ST3GAL6: variants seen among roughly 807,000 people sequenced by gnomAD.
ST3GAL6 encodes ST3 beta-galactoside alpha-2,3-sialyltransferase 6, also known as type 2 lactosamine alpha-2,3-sialyltransferase.
Under a neutral mutation model 40.5 loss-of-function variants are expected in ST3GAL6, and 31 were observed. The ratio of observed to expected loss-of-function variants is 0.77; its 90% CI spans 0.58 to 1.03. ST3GAL6 has a LOEUF of 1.03. ST3GAL6 is among the 50% of genes least tolerant of loss of function. The pLI is 0.00. For missense variants in ST3GAL6, 357 were observed against 393.2 expected (o/e 0.91, Z 0.78); for synonymous variants, 129 against 136.9 (o/e 0.94, Z 0.40).
upstream of ST3GAL6, among the ~76,000 whole-genome samples, chr3:98,759,885 T>C (rs72932654): frequency 8.4e-4 from 128 of 152,292 alleles, no homozygotes; most frequent in African/African-American, 3.0e-3. Flanking sequence ...CCCTCAAAAA[T>C]ACTGGTAGTA....
intron 1 of ST3GAL6, chr3:98,732,722 T>C: frequency 2.4e-6 from 2 of 817,200 alleles, no homozygotes; most frequent in Non-Finnish European, 3.5e-6. Context: ...GGATTGGGGC[T>C]GGCGGGAGCC....
At chr3:98,773,095 G>C (rs1392607924) in intron 4 of ST3GAL6, 179 bp downstream of exon 4, 2 of 466,608 alleles carry the variant, frequency 4.3e-6, no homozygotes, top group Non-Finnish European at 7.6e-6. Flanking sequence ...CACTCCTTTT[G>C]AGGCAGTATA....
chr3:98,780,609 A>G (rs567240522), intron 5 of ST3GAL6, among the ~76,000 whole-genome samples: 3 of 152,314 alleles, frequency 2.0e-5, no homozygotes, highest in East Asian at 1.9e-4. Context: ...TGCTGGGACC[A>G]TAAGTAGGAG....
At chr3:98,756,660 C>A in intron 1 of ST3GAL6, 1 of 835,290 alleles carries the variant, frequency 1.2e-6, no homozygotes, top group African/African-American at 1.8e-5. Flanking sequence ...TCTATGAATA[C>A]AGGTGCCTGC....
At chr3:98,733,106 T>G in intron 1 of ST3GAL6, 1 of 1,341,970 alleles carries the variant, frequency 7.5e-7, no homozygotes, top group Non-Finnish European at 9.6e-7. Context: ...TTGCAGCCTC[T>G]GAGGCTCAGG....
Position 98,793,687 on chromosome 3 carries a change from A to G in ST3GAL6, c.922A>G (p.Asn308Asp). Residue 308 changes from asparagine to aspartate, a missense_variant, in exon 10 of 10, where the codon AAT becomes GAT. Coordinates refer to ENST00000483910, the MANE Select transcript of ST3GAL6 (RefSeq NM_001323368.2). ...TTTTCTTCTTTAGAACGCGTATCACAATGTGACTGCAGAGCAGCTCTTTTT... is the reference window on the plus strand; with the variant it reads ...TTTTCTTCTTTAGAACGCGTATCACGATGTGACTGCAGAGCAGCTCTTTTT... ...MSLMNKNAYH[N>D]VTAEQLFLKD... is the part of the protein sequence containing the mutation. The G allele has an allele frequency of 6.3e-7, 1 of 1,588,178 alleles. No homozygotes were observed. Among genetic ancestry groups the G allele is most frequent in the Non-Finnish European group, 8.5e-7 (1 of 1,169,694 alleles).
rs756943315 is a variant in ST3GAL6 at position 98,771,006 on chromosome 3, C to T, written c.167+50C>T. ...TGGCATACAAAATATTCTAAATGTG[C>T]TTGTAATCATTTTCCACACTTGTTT... On this transcript the variant is annotated intron_variant, in intron 3 of 9. Coordinates refer to ENST00000483910, the MANE Select transcript of ST3GAL6 (RefSeq NM_001323368.2). 4 of 1,586,202 alleles carry T rather than the reference C, an allele frequency of 2.5e-6. No homozygotes were observed. In the South Asian group the frequency reaches 4.4e-5, roughly 18 times the overall value.
intron 5 of ST3GAL6, among the ~76,000 whole-genome samples, chr3:98,777,879 A>T (rs376553099): frequency 6.6e-6 from 1 of 152,344 alleles, no homozygotes; most frequent in African/African-American, 2.4e-5. Flanking sequence ...CAGAAAAGGA[A>T]TACTAAAAAT....
At chr3:98,743,148 C>T (rs909210238) in intron 1 of ST3GAL6, among the ~76,000 whole-genome samples, 2 of 151,722 alleles carry the variant, frequency 1.3e-5, no homozygotes, top group African/African-American at 4.8e-5. Context: ...GCTAGGAACA[C>T]AGATGTGAGC....
At chr3:98,780,454 G>T (rs9811449) in intron 5 of ST3GAL6, among the ~76,000 whole-genome samples, 53,390 of 151,954 alleles carry the variant, frequency 0.35, 9,503 homozygotes, top group Non-Finnish European at 0.38. Flanking sequence ...CTTTCTGTTT[G>T]TCCCCTATAA....
In ST3GAL6 at chr3:98,794,410, T is replaced by C. The variant is rs1407345589; in HGVS notation, c.*649T>C. On this transcript the variant is annotated 3_prime_UTR_variant, in exon 10 of 10. Transcript: ENST00000483910. ...ATTACTAAACTCTGATGGCTTTGTATTATTTTAAAGAAATGAAGTTTAACT... is the reference window on the plus strand; with the variant it reads ...ATTACTAAACTCTGATGGCTTTGTACTATTTTAAAGAAATGAAGTTTAACT... 7.0e-6 allele frequency: 1 copy of C among 143,284 alleles called. No individual in the cohort carries two copies. The highest frequency in any genetic ancestry group is 1.5e-5 in the Non-Finnish European group (1 of 64,966). 8.9% of individuals were successfully genotyped at this position (143,284 alleles called of 1,614,324 possible). A position where few individuals can be genotyped will look rare whatever the true frequency, so the allele number is the denominator to read the frequency against.
intron 5 of ST3GAL6, chr3:98,782,511 C>A (rs552549096): frequency 3.3e-6 from 2 of 597,642 alleles, no homozygotes; most frequent in Admixed American, 2.9e-5. Flanking sequence ...ACACTCTGAA[C>A]CCCAGGAGGT....
chr3:98,771,340 G>T, intron 3 of ST3GAL6: 2 of 321,034 alleles, frequency 6.2e-6, no homozygotes, highest in South Asian at 5.8e-5. Flanking sequence ...AACTTTTTGA[G>T]TAGAAATTTT....
At chr3:98,741,003 G>T (rs1936028531) in intron 1 of ST3GAL6, among the ~76,000 whole-genome samples, 1 of 151,248 alleles carries the variant, frequency 6.6e-6, no homozygotes, top group Non-Finnish European at 1.5e-5. Flanking sequence ...CATATGCCAA[G>T]TACTCTGCTA....
chr3:98,760,338 A>G (rs1306447213), upstream of ST3GAL6, among the ~76,000 whole-genome samples: 5 of 152,216 alleles, frequency 3.3e-5, no homozygotes, highest in African/African-American at 9.6e-5. Context: ...AGCTCTACCA[A>G]CTTCCCAGGT....
chr3:98,768,328 T>C, intron 1 of ST3GAL6, 102 bp from the exon 2 acceptor site: 1 of 850,002 alleles, frequency 1.2e-6, no homozygotes, highest in Non-Finnish European at 2.0e-6. Flanking sequence ...CTATAGTTCC[T>C]TTTGTATATT....
rs1412103852 is a variant in ST3GAL6 at position 98,732,769 on chromosome 3, C to G, written c.-12+237C>G. 14 of 1,284,576 alleles carry G rather than the reference C, an allele frequency of 1.1e-5. No individual in the cohort carries two copies. The South Asian group carries it at 1.8e-4, about 17-fold the overall frequency. 79.6% of individuals were successfully genotyped at this position (1,284,576 alleles called of 1,614,324 possible). ...GCAGGGCTGCTCCCTCCTCTGCTCC[C>G]CCGCCAGATCCGCGGGGAAGGAATC... On this transcript the variant is annotated intron_variant, in intron 1 of 9. Coordinates refer to the ST3GAL6 transcript ENST00000265261.
intron 1 of ST3GAL6, among the ~76,000 whole-genome samples, chr3:98,764,969 T>C (rs1464089123): frequency 6.6e-6 from 1 of 152,228 alleles, no homozygotes; most frequent in African/African-American, 2.4e-5. Flanking sequence ...TTTCAGAAAT[T>C]CTTCCATGGT....
chr3:98,735,990 T>G (rs1935514989), intron 1 of ST3GAL6, among the ~76,000 whole-genome samples: 1 of 152,118 alleles, frequency 6.6e-6, no homozygotes, highest in Admixed American at 6.5e-5. Flanking sequence ...TAAGAAGTGC[T>G]GAGATTCTGG....
Sources: gnomAD v4.1 joint callset for allele counts (sites outside exome capture counted in the v4.1 genomes callset) on GRCh38, gnomAD v4.1.1 for gene constraint, MANE v1.5 for transcripts, NCBI Gene and HGNC (gene_info 2026-07-23, HGNC 2026-07-21) for gene names.